The following ZDHHC20 variants were observed in gnomAD, a reference collection of about 807,000 sequenced individuals.
ZDHHC20 encodes zDHHC palmitoyltransferase 20, also known as palmitoyltransferase ZDHHC20.
A neutral mutation model predicts 57.8 loss-of-function variants in ZDHHC20; 43 were observed. That is an observed-to-expected ratio of 0.74 (90% confidence interval 0.58 to 0.96). The LOEUF (loss-of-function observed/expected upper bound fraction) is 0.96, where lower values mean the gene tolerates loss of function less well. ZDHHC20 is among the 40% of genes least tolerant of loss of function. The pLI, the probability that ZDHHC20 is intolerant of heterozygous loss-of-function variation, is 0.00. For missense variants in ZDHHC20, 391 were observed against 441.1 expected (o/e 0.89, Z 1.02); for synonymous variants, 157 against 153.0 (o/e 1.03, Z -0.19).
At chr13:21,383,558 C>T (rs759723983) in intron 9 of ZDHHC20, among the ~76,000 whole-genome samples, 1 of 152,134 alleles carries the variant, frequency 6.6e-6, no homozygotes, top group Non-Finnish European at 1.5e-5. Flanking sequence ...TTATAATTTA[C>T]ATACATTTAG....
At position 21,387,022 on chromosome 13, in the gene ZDHHC20, T is replaced by C. The variant is rs578038128; in HGVS notation, c.854+486A>G. ...CCTTCTTTTTGATGACTTTGGTATA[T>C]AGCTGGCCTAAAAAGGATGGAAACT... On this transcript the variant is annotated intron_variant, in intron 9 of 12. Transcript: ENST00000400590. Among the ~76,000 whole-genome samples, 19 of 152,322 alleles carry C rather than the reference T, an allele frequency of 1.2e-4. No homozygotes were observed. The South Asian group carries it at 2.9e-3, about 23-fold the overall frequency.
At chr13:21,453,455 G>A (rs1035448514) in intron 1 of ZDHHC20, among the ~76,000 whole-genome samples, 12 of 152,156 alleles carry the variant, frequency 7.9e-5, no homozygotes, top group African/African-American at 2.7e-4. Flanking sequence ...TGACATTTAT[G>A]GAGCATTATG....
At chr13:21,431,388 T>C (rs1400980089) in intron 1 of ZDHHC20, among the ~76,000 whole-genome samples, 1 of 152,202 alleles carries the variant, frequency 6.6e-6, no homozygotes, top group Non-Finnish European at 1.5e-5. Context: ...TATATCCCAC[T>C]GGGTCCCTCC....
intron 1 of ZDHHC20, among the ~76,000 whole-genome samples, chr13:21,427,405 A>G (rs1881385626): frequency 6.6e-6 from 1 of 152,212 alleles, no homozygotes; most frequent in Non-Finnish European, 1.5e-5. Context: ...TGAAAACTTG[A>G]TAATATACTG....
chr13:21,388,400 G>A (rs1289795151), intron 8 of ZDHHC20, among the ~76,000 whole-genome samples: 1 of 152,200 alleles, frequency 6.6e-6, no homozygotes, highest in Non-Finnish European at 1.5e-5. Flanking sequence ...TCCTAGAAGA[G>A]ATGGGAAGGA....
intron 7 of ZDHHC20, 151 bp downstream of exon 7, chr13:21,400,222 T>C (rs2137788649): frequency 1.5e-6 from 1 of 657,394 alleles, no homozygotes; most frequent in Middle Eastern, 4.6e-4. Context: ...TGAAAGTAAA[T>C]TGTAGCCCTA....
At chr13:21,409,440 GGATCAGTGGT>G (rs1878903327) in intron 4 of ZDHHC20, among the ~76,000 whole-genome samples, 1 of 152,092 alleles carries the variant, frequency 6.6e-6, no homozygotes, top group Admixed American at 6.5e-5. Flanking sequence ...TATTTCTGTG[GGATCAGTGGT>G]GATATCCCCT....
rs188641614 is a variant in ZDHHC20 at position 21,443,610 on chromosome 13, G to A, written c.118+15444C>T. Reference sequence around the variant, plus strand: ...GATATGTGGAAAGGTCTGAATTGAGGAACTAAGTCAACTTCTCAAGTTATA... The same window carrying A: ...GATATGTGGAAAGGTCTGAATTGAGAAACTAAGTCAACTTCTCAAGTTATA... On this transcript the variant is annotated intron_variant, in intron 1 of 12. Coordinates refer to ENST00000400590, the MANE Select transcript of ZDHHC20 (RefSeq NM_001330059.2). 3.7e-3 allele frequency among the ~76,000 whole-genome samples: 563 copies of A among 152,292 alleles called. 2 individuals carry two copies. The highest frequency in any genetic ancestry group is 5.6e-3 in the Non-Finnish European group (382 of 68,026).
rs543887006 is a variant in ZDHHC20 at position 21,379,039 on chromosome 13, C to T, written c.1061-301G>A. ...TCCCTAGATTGTTATTTTTTAGAGA[C>T]GGGCCTTAATAGTATTGCCTAGGCT... is the stretch of plus-strand genomic sequence containing the variant. On this transcript the variant is annotated intron_variant, in intron 11 of 12. Coordinates refer to ENST00000400590, the MANE Select transcript of ZDHHC20 (RefSeq NM_001330059.2). Among the ~76,000 whole-genome samples the T allele has an allele frequency of 2.2e-4, 33 of 152,192 alleles. No homozygotes were observed. The Middle Eastern group carries it at 0.01, about 47-fold the overall frequency.
At chr13:21,416,918 TCTTACAG>T (rs1299245550) in intron 3 of ZDHHC20, among the ~76,000 whole-genome samples, 1 of 152,210 alleles carries the variant, frequency 6.6e-6, no homozygotes, top group Non-Finnish European at 1.5e-5. Flanking sequence ...ATGACCTTTA[TCTTACAG>T]CTAACTGGCA....
chr13:21,399,001 G>A lies in ZDHHC20; in HGVS notation c.594+1372C>T, dbSNP rs141484361. On this transcript the variant is annotated intron_variant, in intron 7 of 12. Coordinates refer to ENST00000400590, the MANE Select transcript of ZDHHC20 (RefSeq NM_001330059.2). ...AAGAGAAAGGAATTAATATTATCTT[G>A]AAATTTAAAGAGAGTTTAAATGAAG... Among the ~76,000 whole-genome samples the A allele has an allele frequency of 2.6e-5, 4 of 152,260 alleles. No homozygotes were observed. In the East Asian group the frequency reaches 7.7e-4, roughly 29 times the overall value.
rs776147523 is a variant in ZDHHC20 at position 21,391,794 on chromosome 13, T to C, written c.655A>G (p.Met219Val). The change falls in exon 8 of 13, where the codon ATG (methionine) becomes GTG (valine). Residue 219 changes from methionine (M) to valine (V), a missense_variant. By Grantham distance (21) the Met-to-Val change is conservative. Transcript: ENST00000400590. ...HVLFLFFVSA[M>V]FFISVLSLFS... Reference sequence around the variant, plus strand: ...AGTGAGAGGACGCTGATGAAGAACATTGCAGACACAAAGAAAAGAAAAAGT... The same window carrying C: ...AGTGAGAGGACGCTGATGAAGAACACTGCAGACACAAAGAAAAGAAAAAGT... 40 of 1,613,336 alleles carry C rather than the reference T, an allele frequency of 2.5e-5. No individual in the cohort carries two copies. The highest frequency in any genetic ancestry group is 3.0e-5 in the Non-Finnish European group (35 of 1,179,774).
intron 12 of ZDHHC20, chr13:21,377,095 G>C (rs1872229560): frequency 6.3e-6 from 1 of 158,726 alleles, no homozygotes; most frequent in African/African-American, 2.4e-5. Flanking sequence ...GGCTTTTCTG[G>C]GGACCAAGTA....
At chr13:21,411,945 G>A (rs1019055477) in intron 4 of ZDHHC20, among the ~76,000 whole-genome samples, 1 of 152,220 alleles carries the variant, frequency 6.6e-6, no homozygotes, top group East Asian at 1.9e-4. Flanking sequence ...TTGCATAATA[G>A]GCCATTCAAG....
intron 1 of ZDHHC20, among the ~76,000 whole-genome samples, chr13:21,440,652 A>ATATATGTGTGTGTATATATATATGTG (rs754122040): frequency 1.5e-4 from 23 of 152,070 alleles, no homozygotes; most frequent in Non-Finnish European, 1.8e-4. Flanking sequence ...GTGTGTGTAT[A>ATATATGTGTGTGTATATATATATGTG]TATATATATG....
Position 21,427,902 on chromosome 13 carries a change from G to T in ZDHHC20, c.119-2224C>A, listed in dbSNP as rs543845806. Among the ~76,000 whole-genome samples, 56 of 149,506 alleles carry T rather than the reference G, an allele frequency of 3.7e-4. No individual in the cohort carries two copies. The South Asian group carries it at 0.011, about 31-fold the overall frequency. On this transcript the variant is annotated intron_variant, in intron 1 of 12. Coordinates refer to ENST00000400590, the MANE Select transcript of ZDHHC20 (RefSeq NM_001330059.2). ...TCACTTCTTCACAGAGGACTTTCCT[G>T]ACCACAGAATGGGTTAAATAAATCT...
At chr13:21,383,165 G>C (rs1006378197) in intron 9 of ZDHHC20, among the ~76,000 whole-genome samples, 156 bp from the exon 10 acceptor site, 1 of 152,176 alleles carries the variant, frequency 6.6e-6, no homozygotes, top group African/African-American at 2.4e-5. Context: ...TTATTACCTT[G>C]ATACGGTTTG....
intron 6 of ZDHHC20, among the ~76,000 whole-genome samples, chr13:21,400,766 A>T (rs1877511658): frequency 6.6e-6 from 1 of 152,114 alleles, no homozygotes. Flanking sequence ...GCTGGAGTGC[A>T]GTGGCACAAT....
At chr13:21,438,645 GAAT>G (rs1197927057) in intron 1 of ZDHHC20, among the ~76,000 whole-genome samples, 2 of 152,254 alleles carry the variant, frequency 1.3e-5, no homozygotes, top group South Asian at 2.1e-4. Context: ...AAACCATTTA[GAAT>G]ATTACATAAA....
Sources: gnomAD v4.1 joint callset for allele counts (sites outside exome capture counted in the v4.1 genomes callset) on GRCh38, gnomAD v4.1.1 for gene constraint, MANE v1.5 for transcripts, NCBI Gene and HGNC (gene_info 2026-07-23, HGNC 2026-07-21) for gene names.